The following SHQ1 variants were observed in gnomAD, a reference collection of about 807,000 sequenced individuals.
SHQ1 encodes the protein protein SHQ1 homolog.
SHQ1 carries 49 observed loss-of-function variants against 53.8 expected under a neutral mutation model. The observed-to-expected ratio is 0.91, with a 90% CI of 0.72 to 1.16. SHQ1 has a LOEUF of 1.16. Among genes scored for constraint, SHQ1 ranks in the 50% most tolerant of loss-of-function variants. The pLI is 0.00. For missense variants in SHQ1, 738 were observed against 683.1 expected, an observed-to-expected ratio of 1.08 and a Z score of -0.90; for synonymous variants, 243 against 251.0, an observed-to-expected ratio of 0.97 and a Z score of 0.30.
intron 5 of SHQ1, among the ~76,000 whole-genome samples, chr3:72,830,125 AC>A (rs1707782014): frequency 6.6e-6 from 1 of 151,886 alleles, no homozygotes; most frequent in Admixed American, 6.6e-5. Flanking sequence ...AAAAAAAAAA[AC>A]AGATTATACC....
chr3:72,787,504 T>A (rs1706269798), intron 10 of SHQ1, among the ~76,000 whole-genome samples: 1 of 152,172 alleles, frequency 6.6e-6, no homozygotes, highest in African/African-American at 2.4e-5. Context: ...AACCATACAG[T>A]TTTAATGTGA....
At chr3:72,828,814 C>T (rs999033425) in intron 5 of SHQ1, among the ~76,000 whole-genome samples, 1 of 151,922 alleles carries the variant, frequency 6.6e-6, no homozygotes, top group African/African-American at 2.4e-5. Context: ...TAGGCAGGGT[C>T]GGGATCACAG....
In SHQ1 at chr3:72,750,062, G is replaced by C; in HGVS notation, c.*222C>G. ...TAGTTGTCATACTGTATTATTTAGAGAATAATAACAAGAAAAAAGTCTGTA... is the reference window on the plus strand; with the variant it reads ...TAGTTGTCATACTGTATTATTTAGACAATAATAACAAGAAAAAAGTCTGTA... On this transcript the variant is annotated 3_prime_UTR_variant, in exon 11 of 11. Transcript: ENST00000325599. 1 of 538,882 alleles carries C rather than the reference G, an allele frequency of 1.9e-6. No individual in the cohort carries two copies. Among genetic ancestry groups the C allele is most frequent in the Non-Finnish European group, 3.3e-6 (1 of 306,880 alleles). The allele number at this position is 538,882 out of a possible 1,614,324, so 33.4% of individuals were successfully genotyped here.
chr3:72,793,096 A>C (rs1235532894), intron 9 of SHQ1, 60 bp from the exon 10 acceptor site: 1 of 1,441,312 alleles, frequency 6.9e-7, no homozygotes, highest in Non-Finnish European at 9.6e-7. Context: ...AGACCCTGAG[A>C]GGTAATATAT....
the SHQ1 span, among the ~76,000 whole-genome samples, chr3:72,736,121 C>G: frequency 6.6e-6 from 1 of 151,216 alleles, no homozygotes; most frequent in Non-Finnish European, 1.5e-5. Context: ...ATTGCTGAAC[C>G]AATCACTGTG....
At chr3:72,729,676 G>A in the SHQ1 span, among the ~76,000 whole-genome samples, 1 of 152,206 alleles carries the variant, frequency 6.6e-6, no homozygotes, top group East Asian at 1.9e-4. Flanking sequence ...CCCTCACTTT[G>A]TAATAACTCC....
At position 72,795,083 on chromosome 3, in the gene SHQ1, A is replaced by G. The variant is rs138107806; in HGVS notation, c.1061-2047T>C. ...ATCACAACGTTTTTATTACTCAAGG[A>G]CTTATTACTGACTTTAACCCCTAAG... is the stretch of plus-strand genomic sequence containing the variant. On this transcript the variant is annotated intron_variant, in intron 9 of 10. Coordinates refer to ENST00000325599, the MANE Select transcript of SHQ1 (RefSeq NM_018130.3). 9 of 152,286 alleles carry G rather than the reference A, an allele frequency of 5.9e-5. No homozygotes were observed. In the East Asian group the frequency reaches 1.7e-3, roughly 29 times the overall value. 9.4% of individuals were successfully genotyped at this position (152,286 alleles called of 1,614,324 possible).
Position 72,756,099 on chromosome 3 carries a change from A to G in SHQ1, c.1182-5263T>C, listed in dbSNP as rs570139754. 1.8e-4 allele frequency among the ~76,000 whole-genome samples: 27 copies of G among 151,996 alleles called. No homozygotes were observed. In the East Asian group the frequency reaches 5.2e-3, roughly 29 times the overall value. On this transcript the variant is annotated intron_variant, in intron 10 of 10. Coordinates refer to ENST00000325599, the MANE Select transcript of SHQ1 (RefSeq NM_018130.3). The stretch of plus-strand genomic sequence containing the variant: ...TTTTTTGTAAAGACAGGTTCTCCCT[A>G]TGTTGCCCAGGCTGGTCTCCAACTC...
the SHQ1 span, among the ~76,000 whole-genome samples, chr3:72,742,039 C>T: frequency 1.3e-5 from 2 of 151,624 alleles, no homozygotes; most frequent in Admixed American, 6.6e-5. Flanking sequence ...CCACAGATAC[C>T]GAGGGACGAC....
chr3:72,838,705 T>A (rs1036895592), intron 4 of SHQ1, among the ~76,000 whole-genome samples: 1 of 152,182 alleles, frequency 6.6e-6, no homozygotes, highest in East Asian at 1.9e-4. Flanking sequence ...TTTGCCATGT[T>A]GGCTAGACTG....
chr3:72,789,531 C>T (rs2106785364), intron 10 of SHQ1, among the ~76,000 whole-genome samples: 1 of 152,216 alleles, frequency 6.6e-6, no homozygotes, highest in East Asian at 1.9e-4. Flanking sequence ...AATGGGGCAA[C>T]TTGTATATGT....
intron 10 of SHQ1, among the ~76,000 whole-genome samples, chr3:72,778,404 A>T (rs1339123864): frequency 1.3e-5 from 2 of 152,046 alleles, no homozygotes; most frequent in African/African-American, 4.8e-5. Flanking sequence ...ACCTATGATC[A>T]TATCACTGCA....
At chr3:72,848,150 G>A (rs1208103748) in intron 1 of SHQ1, 48 bp downstream of exon 1, 2 of 1,609,040 alleles carry the variant, frequency 1.2e-6, no homozygotes, top group African/African-American at 2.7e-5. Flanking sequence ...CTCTAAAGCA[G>A]CTATCTAACG....
chr3:72,772,546 G>T, intron 10 of SHQ1: 1 of 673,308 alleles, frequency 1.5e-6, no homozygotes. Context: ...AAGCTTTAGA[G>T]CATGGGAAGA....
chr3:72,846,087 A>T, intron 1 of SHQ1: 1 of 860,538 alleles, frequency 1.2e-6, no homozygotes, highest in Non-Finnish European at 1.8e-6. Context: ...TGATAATGCA[A>T]AGAGCTTAGT....
chr3:72,799,864 A>C (rs541825625), intron 9 of SHQ1, among the ~76,000 whole-genome samples: 1 of 152,158 alleles, frequency 6.6e-6, no homozygotes, highest in Non-Finnish European at 1.5e-5. Flanking sequence ...AATTCAACTC[A>C]TAATTTACCA....
intron 7 of SHQ1, 94 bp from the exon 8 acceptor site, chr3:72,815,497 G>A: frequency 2.1e-6 from 2 of 940,628 alleles, no homozygotes; most frequent in Non-Finnish European, 3.4e-6. Context: ...AGTGTCTGAG[G>A]ATCACTGACA....
chr3:72,773,399 G>T (rs1366088639), intron 10 of SHQ1: 1 of 450,358 alleles, frequency 2.2e-6, no homozygotes, highest in Non-Finnish European at 4.3e-6. Flanking sequence ...CTATCTCACA[G>T]TAGCAGTGGT....
intron 10 of SHQ1, among the ~76,000 whole-genome samples, chr3:72,784,105 T>C (rs1359385483): frequency 1.4e-5 from 2 of 142,992 alleles, no homozygotes; most frequent in Non-Finnish European, 3.1e-5. Context: ...TTTCTGCAAA[T>C]CTAAAACTAT....
Sources: gnomAD v4.1 joint callset for allele counts (sites outside exome capture counted in the v4.1 genomes callset) on GRCh38, gnomAD v4.1.1 for gene constraint, MANE v1.5 for transcripts, NCBI Gene and HGNC (gene_info 2026-07-23, HGNC 2026-07-21) for gene names.